The following RPF2 variants were observed in gnomAD, a reference collection of about 807,000 sequenced individuals.
RPF2 encodes brix domain containing 1.
In RPF2, 21 loss-of-function variants were observed where a neutral mutation model predicts 38.9. The observed-to-expected ratio is 0.54, with a 90% CI of 0.38 to 0.78. The LOEUF is 0.78. Among genes scored for constraint, RPF2 ranks in the 30% least tolerant of loss-of-function variants. The pLI, the probability that RPF2 is intolerant of heterozygous loss-of-function variation, is 0.00. For synonymous variants in RPF2, 121 were observed against 126.2 expected (o/e 0.96, Z 0.28); for missense variants, 314 against 358.1 (o/e 0.88, Z 0.99).
chr6:110,997,075 A>T, intron 4 of RPF2, 108 bp from the exon 5 acceptor site: 1 of 688,758 alleles, frequency 1.5e-6, no homozygotes, highest in Non-Finnish European at 2.6e-6. Flanking sequence ...TGCTGGGATT[A>T]CAGGTGTGAG....
At position 111,008,898 on chromosome 6, in the gene RPF2, C is replaced by CT. The variant is rs57167034; in HGVS notation, c.493+779dup. Among the ~76,000 whole-genome samples the CT allele has an allele frequency of 2.7e-3, 320 of 120,428 alleles. 5 individuals are homozygous for CT. The highest frequency in any genetic ancestry group is 9.1e-3 in the Middle Eastern group (2 of 220). 79.0% of individuals were successfully genotyped at this position (120,428 alleles called of 152,430 possible). ...AAGCCCTCAGTGACCTTCCTGGCTC[C>CT]TTTTTTTTTTTTTTTTTTAAAGATA... On this transcript the variant is annotated intron_variant, in intron 7 of 9. Coordinates refer to ENST00000441448, the MANE Select transcript of RPF2 (RefSeq NM_032194.3).
intron 6 of RPF2, 83 bp from the exon 7 acceptor site, chr6:111,007,955 T>A (rs1351363861): frequency 2.9e-6 from 4 of 1,358,128 alleles, no homozygotes; most frequent in South Asian, 1.6e-5. Flanking sequence ...TCAAAAAAAA[T>A]AAATAAAAAT....
Position 111,025,406 on chromosome 6 carries a change from A to G in RPF2, c.745A>G (p.Lys249Glu). 1 of 1,596,570 alleles carries G rather than the reference A, an allele frequency of 6.3e-7. No individual in the cohort carries two copies. The highest frequency in any genetic ancestry group is 1.1e-5 in the South Asian group (1 of 87,938). The stretch of plus-strand genomic sequence containing the variant: ...TATACATATTCTTTTATCGTAGCCA[A>G]AGAAGAAGAAAAATATTTCCCATGA... ...SMKMPKALKP[K>E]KKKNISHDTF... is the part of the protein sequence containing the mutation. The change falls in exon 10 of 10, where the codon AAG (lysine) becomes GAG (glutamate). Residue 249 changes from lysine (K) to glutamate (E), a missense_variant. Lys to Glu is a moderately conservative substitution (Grantham distance 56). Coordinates refer to ENST00000441448, the MANE Select transcript of RPF2 (RefSeq NM_032194.3).
At chr6:111,010,672 C>G (rs1317285430) in intron 7 of RPF2, among the ~76,000 whole-genome samples, 15 of 152,088 alleles carry the variant, frequency 9.9e-5, no homozygotes, top group Non-Finnish European at 1.3e-4. Flanking sequence ...TCTTGTTACC[C>G]TTGTTTTAAA....
chr6:111,013,609 T>C (rs1196373191), intron 7 of RPF2, among the ~76,000 whole-genome samples: 1 of 152,172 alleles, frequency 6.6e-6, no homozygotes, highest in Non-Finnish European at 1.5e-5. Context: ...CCTAAAGTTT[T>C]CTCCCAAAGC....
At chr6:111,002,346 T>C (rs1771824024) in intron 6 of RPF2, among the ~76,000 whole-genome samples, 1 of 152,124 alleles carries the variant, frequency 6.6e-6, no homozygotes. Flanking sequence ...CTCATTTCTT[T>C]TTTTGTTTTT....
chr6:110,984,857 A>AAAC, intron 1 of RPF2, 149 bp from the exon 2 acceptor site: 1 of 922,048 alleles, frequency 1.1e-6, no homozygotes, highest in Non-Finnish European at 1.6e-6. Context: ...AACAAAAAAA[A>AAAC]ACAAACAAAA....
intron 4 of RPF2, among the ~76,000 whole-genome samples, chr6:110,994,758 C>T (rs1249953887): frequency 7.2e-6 from 1 of 138,530 alleles, no homozygotes; most frequent in Non-Finnish European, 1.5e-5. Flanking sequence ...CACACACACA[C>T]ACACACACAC....
In RPF2 at chr6:111,025,679, A is replaced by G; in HGVS notation, c.*97A>G. 1.2e-6 allele frequency: 1 copy of G among 841,740 alleles called. No homozygotes were observed. The highest frequency in any genetic ancestry group is 2.7e-5 in the East Asian group (1 of 36,626). The allele number at this position is 841,740 out of a possible 1,614,324, so 52.1% of individuals were successfully genotyped here. ...AGTTTCTTATAAGATCTTATTATAT[A>G]TTTTTATAACATGATAATTTTACGA... On this transcript the variant is annotated 3_prime_UTR_variant, in exon 10 of 10. Coordinates refer to ENST00000441448, the MANE Select transcript of RPF2 (RefSeq NM_032194.3).
intron 9 of RPF2, 84 bp from the exon 10 acceptor site, chr6:111,025,319 A>G (rs1008114662): frequency 2.3e-6 from 2 of 880,846 alleles, no homozygotes; most frequent in Admixed American, 2.4e-5. Context: ...GGAAATTGCT[A>G]CTAAGATAGT....
intron 7 of RPF2, among the ~76,000 whole-genome samples, chr6:111,011,543 C>T (rs189647202): frequency 6.6e-6 from 1 of 152,232 alleles, no homozygotes; most frequent in East Asian, 1.9e-4. Context: ...CTGCCCTGGC[C>T]TCCCAAAAGT....
intron 8 of RPF2, among the ~76,000 whole-genome samples, chr6:111,020,337 G>A (rs186796418): frequency 1.3e-5 from 2 of 152,270 alleles, no homozygotes; most frequent in Non-Finnish European, 2.9e-5. Flanking sequence ...TGCCTCGGGT[G>A]GGTATGTATG....
chr6:110,990,096 G>A (rs1490408247), intron 3 of RPF2, among the ~76,000 whole-genome samples: 8 of 151,634 alleles, frequency 5.3e-5, no homozygotes, highest in Non-Finnish European at 1.0e-4. Context: ...GCGCCACCAC[G>A]CCCGGCTAAT....
chr6:111,006,861 G>A (rs1771917538), intron 6 of RPF2, among the ~76,000 whole-genome samples: 1 of 152,088 alleles, frequency 6.6e-6, no homozygotes, highest in Admixed American at 6.6e-5. Context: ...ATCACCTGAG[G>A]TCGGGAGTTC....
chr6:110,982,119 G>A lies in RPF2; in HGVS notation c.13G>A (p.Asp5Asn). Residue 5 changes from aspartate (D) to asparagine (N), a missense_variant, in exon 1 of 10, where the codon GAT (aspartate) becomes AAT (asparagine). By Grantham distance (23) the Asp-to-Asn change is conservative. Transcript: ENST00000441448. MDTLDRVVKPKTKRA... is the reference protein window; with the variant it reads MDTLNRVVKPKTKRA... ...GGTAGCGGTAGCGATGGACACTCTGGATCGAGTAGTGTAAGTGCGCTGGGT... is the reference window on the plus strand; with the variant it reads ...GGTAGCGGTAGCGATGGACACTCTGAATCGAGTAGTGTAAGTGCGCTGGGT... The A allele has an allele frequency of 6.2e-7, 1 of 1,614,228 alleles. No individual in the cohort carries two copies. Among genetic ancestry groups the A allele is most frequent in the Non-Finnish European group, 8.5e-7 (1 of 1,180,022 alleles).
chr6:110,997,939 C>T (rs567402177), intron 5 of RPF2, among the ~76,000 whole-genome samples: 2 of 150,500 alleles, frequency 1.3e-5, no homozygotes, highest in East Asian at 2.0e-4. Context: ...TTGGTCTGCT[C>T]CATCACCCAG....
intron 8 of RPF2, among the ~76,000 whole-genome samples, chr6:111,020,348 C>T (rs1435327259): frequency 6.6e-6 from 1 of 152,054 alleles, no homozygotes; most frequent in Non-Finnish European, 1.5e-5. Context: ...GGTATGTATG[C>T]CCTCTGTGTT....
rs1453423547 is a variant in RPF2 at position 110,982,042 on chromosome 6, C to T, written c.-65C>T. On this transcript the variant is annotated 5_prime_UTR_variant, in exon 1 of 10. Transcript: ENST00000441448. Reference sequence around the variant, plus strand: ...GCGCAGCTTCCGGTTCCGCCTGTTCCGGCGCACGTAATCGCCGAGGGCACG... The same window carrying T: ...GCGCAGCTTCCGGTTCCGCCTGTTCTGGCGCACGTAATCGCCGAGGGCACG... 5 of 1,595,248 alleles carry T rather than the reference C, an allele frequency of 3.1e-6. No individual in the cohort carries two copies. The highest frequency in any genetic ancestry group is 4.3e-6 in the Non-Finnish European group (5 of 1,162,998).
chr6:111,012,006 T>G (rs1772023679), intron 7 of RPF2, among the ~76,000 whole-genome samples: 1 of 151,784 alleles, frequency 6.6e-6, no homozygotes, highest in South Asian at 2.1e-4. Flanking sequence ...GTTTATGTTG[T>G]GTGTTCAAAT....
Sources: gnomAD v4.1 joint callset for allele counts (sites outside exome capture counted in the v4.1 genomes callset) on GRCh38, gnomAD v4.1.1 for gene constraint, MANE v1.5 for transcripts, NCBI Gene and HGNC (gene_info 2026-07-23, HGNC 2026-07-21) for gene names.